The following DCBLD1 variants were observed in gnomAD, a reference collection of about 807,000 sequenced individuals.
DCBLD1 encodes the protein discoidin, CUB and LCCL domain containing 1, also known as discoidin, CUB and LCCL domain-containing protein 1.
DCBLD1 carries 57 observed loss-of-function variants against 71.5 expected under a neutral mutation model. The observed-to-expected ratio is 0.80, with a 90% confidence interval of 0.64 to 0.99. The LOEUF (loss-of-function observed/expected upper bound fraction) is 0.99. Ranked by LOEUF, DCBLD1 falls within the 50% of genes least tolerant of loss-of-function variation. The pLI, the probability that DCBLD1 is intolerant of heterozygous loss-of-function variation, is 0.00. For missense variants in DCBLD1, 891 were observed against 923.5 expected (o/e 0.96, Z 0.46); for synonymous variants, 380 against 363.8 (o/e 1.04, Z -0.51).
chr6:117,548,116 G>A lies in DCBLD1; in HGVS notation c.1825G>A (p.Val609Met). The A allele has an allele frequency of 6.5e-7, 1 of 1,549,748 alleles. No individual in the cohort carries two copies. ...EYATPIVERH[V>M]LRAHTFSAQS... ...CGCCACGCCCATCGTGGAGCGGCAC[G>A]TGCTGCGCGCCCACACGTTCTCTGC... Residue 609 changes from valine (V) to methionine (M), a missense_variant, in exon 15 of 15, where the codon GTG (valine) becomes ATG (methionine). Coordinates refer to ENST00000338728, the MANE Select transcript of DCBLD1 (RefSeq NM_001366458.2).
chr6:117,542,993 G>T, intron 11 of DCBLD1, 131 bp from the exon 12 acceptor site: 1 of 755,390 alleles, frequency 1.3e-6, no homozygotes, highest in Non-Finnish European at 2.3e-6. Flanking sequence ...ATCAGTAAAT[G>T]CCTAACATGT....
rs546427738 is a variant in DCBLD1 at position 117,548,034 on chromosome 6, G to T, written c.1743G>T (p.Pro581=). 665 of 1,549,480 alleles carry T rather than the reference G, an allele frequency of 4.3e-4. 9 individuals are homozygous for T. The South Asian group carries it at 7.5e-3, about 18-fold the overall frequency. Reference sequence around the variant, plus strand: ...ATGCCGGCGGCCACTATGACTGCCCGCAGCGGGCCGGCCGCCACGAGTACG... The same window carrying T: ...ATGCCGGCGGCCACTATGACTGCCCTCAGCGGGCCGGCCGCCACGAGTACG... ...STDAGGHYDC[P]QRAGRHEYAL... is the part of the protein sequence containing the mutation. Residue 581 remains proline, a synonymous_variant, in exon 15 of 15, where the codon CCG becomes CCT. Coordinates refer to ENST00000338728, the MANE Select transcript of DCBLD1 (RefSeq NM_001366458.2).
At chr6:117,523,260 T>A (rs1778442634) in intron 4 of DCBLD1, among the ~76,000 whole-genome samples, 1 of 152,166 alleles carries the variant, frequency 6.6e-6, no homozygotes, top group Non-Finnish European at 1.5e-5. Context: ...GTGTTTAGAT[T>A]AAAGATAAGG....
chr6:117,547,805 G>T lies in DCBLD1; in HGVS notation c.1616-102G>T, dbSNP rs577767536. On this transcript the variant is annotated intron_variant, in intron 14 of 14. Coordinates refer to ENST00000338728, the MANE Select transcript of DCBLD1 (RefSeq NM_001366458.2). ...TGGGACACCTGAGGGCACCCGGGGGGAAAGTCAGTCACCACGACCTGAAGC... is the reference window on the plus strand; with the variant it reads ...TGGGACACCTGAGGGCACCCGGGGGTAAAGTCAGTCACCACGACCTGAAGC... 1.2e-5 allele frequency: 19 copies of T among 1,543,870 alleles called. No individual in the cohort carries two copies. In the South Asian group the frequency reaches 1.7e-4, roughly 14 times the overall value.
chr6:117,552,764 T>C (rs755316964), downstream of DCBLD1, among the ~76,000 whole-genome samples: 7 of 152,156 alleles, frequency 4.6e-5, no homozygotes, highest in Non-Finnish European at 8.8e-5. Flanking sequence ...CACATTCTTG[T>C]CATCAGCAAG....
intron 1 of DCBLD1, among the ~76,000 whole-genome samples, chr6:117,489,892 A>C (rs1228439815): frequency 6.6e-6 from 1 of 152,330 alleles, no homozygotes; most frequent in East Asian, 1.9e-4. Context: ...CTCAAAAAAA[A>C]AGAATAAATT....
Position 117,532,250 on chromosome 6 carries a change from T to C in DCBLD1, c.586-10T>C, listed in dbSNP as rs1453255171. 6 of 1,583,928 alleles carry C rather than the reference T, an allele frequency of 3.8e-6. No homozygotes were observed. The highest frequency in any genetic ancestry group is 5.1e-6 in the Non-Finnish European group (6 of 1,171,248). On this transcript the variant is annotated splice_polypyrimidine_tract_variant and intron_variant, in intron 5 of 14. Coordinates refer to ENST00000338728, the MANE Select transcript of DCBLD1 (RefSeq NM_001366458.2). ...TTTAAGTTCTGCATAATGATGTTGC[T>C]GTGTTTCAGACCTCTTTATTGTGCA...
At chr6:117,482,933 G>C in intron 1 of DCBLD1, 40 bp downstream of exon 1, 1 of 1,163,598 alleles carries the variant, frequency 8.6e-7, no homozygotes, top group South Asian at 3.4e-5. Flanking sequence ...GACCCGAGGC[G>C]CCAGGGGCGG....
rs748126092 is a variant in DCBLD1, at chr6:117,540,743, C to T, written c.1177C>T (p.Arg393Trp). The T allele has an allele frequency of 5.6e-6, 9 of 1,614,026 alleles. No homozygotes were observed. The highest frequency in any genetic ancestry group is 2.2e-5 in the South Asian group (2 of 91,090). ...CCCTCCCATCGTGGCCAGATATGTG[C>T]GGGTTGTCCCCCAGACATGGCACCA... ...FIPPIVARYVRVVPQTWHQRI... is the reference protein window; with the variant it reads ...FIPPIVARYVWVVPQTWHQRI... The change falls in exon 10 of 15, where the codon CGG becomes TGG. Residue 393 changes from arginine to tryptophan, a missense_variant. Coordinates refer to ENST00000338728, the MANE Select transcript of DCBLD1 (RefSeq NM_001366458.2).
In DCBLD1 at chr6:117,548,065, C is replaced by G; in HGVS notation, c.1774C>G (p.Pro592Ala). Residue 592 changes from proline to alanine, a missense_variant, in exon 15 of 15, where the codon CCC (proline) becomes GCC (alanine). Physicochemically the swap from Pro to Ala is conservative, Grantham distance 27 (BLOSUM62 -1). Coordinates refer to ENST00000338728, the MANE Select transcript of DCBLD1 (RefSeq NM_001366458.2). ...QRAGRHEYAL[P>A]LAPPEPEYAT... is the part of the protein sequence containing the mutation. The stretch of plus-strand genomic sequence containing the variant: ...GGCCGGCCGCCACGAGTACGCGCTG[C>G]CCCTGGCGCCCCCGGAGCCCGAGTA... The G allele has an allele frequency of 6.5e-7, 1 of 1,548,780 alleles. No individual in the cohort carries two copies. The highest frequency in any genetic ancestry group is 8.7e-7 in the Non-Finnish European group (1 of 1,145,948).
At chr6:117,542,059 G>A (rs549039818) in intron 11 of DCBLD1, among the ~76,000 whole-genome samples, 18 of 152,078 alleles carry the variant, frequency 1.2e-4, no homozygotes, top group South Asian at 4.1e-4. Flanking sequence ...TTGGGAGGCC[G>A]AGGCGGGCGG....
In DCBLD1 at chr6:117,560,367, A is replaced by G. The variant is rs1186066700; in HGVS notation, c.1616-9253A>G. 1.6e-5 allele frequency: 3 copies of G among 182,720 alleles called. No individual in the cohort carries two copies. The East Asian group carries it at 2.7e-4, about 16-fold the overall frequency. 11.3% of individuals were successfully genotyped at this position (182,720 alleles called of 1,614,324 possible). The stretch of plus-strand genomic sequence containing the variant: ...TTTATTTACAGGCTAATAAAAAAAT[A>G]TTAAACTCAACTAGATATAATACAT... On this transcript the variant is annotated intron_variant, in intron 14 of 14. Transcript: ENST00000296955.
Position 117,540,821 on chromosome 6 carries a change from G to T in DCBLD1, c.1249+6G>T. Reference sequence around the variant, plus strand: ...TGGTTGCCAGATTACACAAGGTAGGGCTCAGGGCAAGCCAGTGAGTTACTC... The same window carrying T: ...TGGTTGCCAGATTACACAAGGTAGGTCTCAGGGCAAGCCAGTGAGTTACTC... On this transcript the variant is annotated splice_donor_region_variant and intron_variant, in intron 10 of 14. Coordinates refer to ENST00000338728, the MANE Select transcript of DCBLD1 (RefSeq NM_001366458.2). The T allele has an allele frequency of 6.2e-7, 1 of 1,614,168 alleles. No homozygotes were observed.
At chr6:117,557,666 A>G (rs1481431734) in intron 14 of DCBLD1, among the ~76,000 whole-genome samples, 1 of 152,216 alleles carries the variant, frequency 6.6e-6, no homozygotes, top group African/African-American at 2.4e-5. Context: ...TGTGAGGCTG[A>G]GGCAGAGGAA....
chr6:117,488,067 A>T (rs1777151852), intron 1 of DCBLD1, among the ~76,000 whole-genome samples: 1 of 152,062 alleles, frequency 6.6e-6, no homozygotes, highest in Non-Finnish European at 1.5e-5. Flanking sequence ...TTTCAATGGG[A>T]GTTGAAGAGG....
intron 2 of DCBLD1, among the ~76,000 whole-genome samples, chr6:117,509,828 G>C (rs1777958413): frequency 6.6e-6 from 1 of 152,124 alleles, no homozygotes; most frequent in South Asian, 2.1e-4. Context: ...TGGTGGCAAG[G>C]GTTCACTGAA....
intron 12 of DCBLD1, chr6:117,544,125 T>C (rs1379734944): frequency 6.3e-6 from 1 of 159,610 alleles, no homozygotes; most frequent in African/African-American, 2.4e-5. Flanking sequence ...AGTTAAAGCA[T>C]GCCTTAGTGT....
At chr6:117,553,115 C>T (rs568612185), downstream of DCBLD1, among the ~76,000 whole-genome samples, 2 of 152,192 alleles carry the variant, frequency 1.3e-5, no homozygotes, top group East Asian at 1.9e-4. Context: ...TACAAAAGCT[C>T]GGTTTCCAGT....
intron 1 of DCBLD1, among the ~76,000 whole-genome samples, chr6:117,500,648 T>G (rs989753865): frequency 1.3e-5 from 2 of 152,088 alleles, no homozygotes; most frequent in African/African-American, 4.8e-5. Context: ...GGGTGGATCA[T>G]GAGGTCAGGA....
Sources: allele counts gnomAD v4.1 joint callset (sites outside exome capture counted in the v4.1 genomes callset), GRCh38; gene constraint gnomAD v4.1.1; transcripts MANE v1.5; gene names NCBI Gene and HGNC (gene_info 2026-07-23, HGNC 2026-07-21).